NID1: variants seen among roughly 807,000 people sequenced by gnomAD.
NID1 encodes the protein nidogen 1.
In NID1, 76 loss-of-function variants were observed where a neutral mutation model predicts 130.6. The observed-to-expected ratio is 0.58, with a 90% confidence interval of 0.48 to 0.70. The LOEUF is 0.70. NID1 is among the 30% of genes least tolerant of loss of function. The pLI is 0.00. For synonymous variants in NID1, 665 were observed against 675.1 expected, an observed-to-expected ratio of 0.98 and a Z score of 0.23; for missense variants, 1,517 against 1,664.8, an observed-to-expected ratio of 0.91 and a Z score of 1.54.
chr1:235,982,559 C>G (rs1320481935), intron 15 of NID1, among the ~76,000 whole-genome samples: 2 of 152,100 alleles, frequency 1.3e-5, no homozygotes, highest in African/African-American at 4.8e-5. Flanking sequence ...AAATAACACC[C>G]CAGTCTTTAC....
rs970532174 is a variant in NID1, at chr1:236,002,566, C to G, written c.2528-8694G>C. Among the ~76,000 whole-genome samples, 36 of 152,122 alleles carry G rather than the reference C, an allele frequency of 2.4e-4. 1 individual carries two copies. The highest frequency in any genetic ancestry group is 1.9e-3 in the Admixed American group (29 of 15,276). The stretch of plus-strand genomic sequence containing the variant: ...CGATAAATCTGCGGTGTGTCCAATA[C>G]ACCCAGCCACAGCAGCCTAGGCGCA... On this transcript the variant is annotated intron_variant, in intron 12 of 19. Coordinates refer to ENST00000264187, the MANE Select transcript of NID1 (RefSeq NM_002508.3).
intron 2 of NID1, 86 bp from the exon 3 acceptor site, chr1:236,045,769 T>A (rs1238638032): frequency 1.4e-5 from 14 of 1,028,520 alleles, no homozygotes; most frequent in Non-Finnish European, 2.0e-5. Context: ...CTATAAAGCG[T>A]ACAGTGCTAT....
rs1316089367 is a variant in NID1, at chr1:236,032,642, C to T, written c.1296G>A (p.Gln432=). 6.8e-6 allele frequency: 11 copies of T among 1,613,978 alleles called. No individual in the cohort carries two copies. The highest frequency in any genetic ancestry group is 9.3e-6 in the Non-Finnish European group (11 of 1,180,012). The change falls in exon 6 of 20, where the codon CAG becomes CAA. Residue 432 remains glutamine, a synonymous_variant. Transcript: ENST00000264187. ...GRQCVAEGSP[Q]RVNGKVKGRI... ...TTCCTTTCACCTTGCCATTGACTCG[C>T]TGGGGGGAACCTGAGCAAGAAAACA...
Position 236,032,596 on chromosome 1 carries a change from G to T in NID1, c.1342C>A (p.Gln448Lys). ...VKGRIFVGSSQVPIVFENTDL... is the reference protein window; with the variant it reads ...VKGRIFVGSSKVPIVFENTDL... ...GTGTTCTCAAAGACAATGGGGACCT[G>T]GCTGCTCCCCACAAAGATCCTTCCT... The change falls in exon 6 of 20, where the codon CAG (glutamine) becomes AAG (lysine). Residue 448 changes from glutamine (Q) to lysine (K), a missense_variant. Around this residue, in one of 3 missense-constraint regions of NID1, gnomAD observed 1,329 missense variants for 1,429.2 expected, o/e 0.93. Transcript: ENST00000264187. 2 of 1,614,130 alleles carry T rather than the reference G, an allele frequency of 1.2e-6. No individual in the cohort carries two copies. The highest frequency in any genetic ancestry group is 2.2e-5 in the South Asian group (2 of 91,082).
In NID1 at chr1:236,017,285, ATTT is replaced by A. The variant is rs754135577; in HGVS notation, c.2129-15_2129-13del. On this transcript the variant is annotated splice_polypyrimidine_tract_variant and intron_variant, in intron 9 of 19. Coordinates refer to ENST00000264187, the MANE Select transcript of NID1 (RefSeq NM_002508.3). ...ACATTCATCAATATCTGCAGCAAAA[ATTT>A]TTTTTTACTGCAGGCTTTTTTTTAA... is the stretch of plus-strand genomic sequence containing the variant. The A allele has an allele frequency of 1.2e-6, 2 of 1,600,788 alleles. No homozygotes were observed. Among genetic ancestry groups the A allele is most frequent in the South Asian group, 2.2e-5 (2 of 89,640 alleles).
At chr1:236,003,132 C>G (rs13376073) in intron 12 of NID1, among the ~76,000 whole-genome samples, 54,748 of 111,286 alleles carry the variant, frequency 0.49, 16,373 homozygotes, top group East Asian at 0.83. Flanking sequence ...TAGTGAACGA[C>G]TGGTAGTTGT....
At chr1:236,009,187 G>C (rs1454746277) in intron 12 of NID1, among the ~76,000 whole-genome samples, 1 of 152,152 alleles carries the variant, frequency 6.6e-6, no homozygotes, top group African/African-American at 2.4e-5. Context: ...TGAAAGGGGG[G>C]CCCTAATGAA....
chr1:236,051,234 A>G (rs1659755219), intron 1 of NID1, among the ~76,000 whole-genome samples: 1 of 152,006 alleles, frequency 6.6e-6, no homozygotes, highest in Non-Finnish European at 1.5e-5. Context: ...TGGATTTTCC[A>G]GGCCACTTAT....
intron 9 of NID1, among the ~76,000 whole-genome samples, chr1:236,022,893 C>A (rs1658806033): frequency 6.6e-6 from 1 of 151,446 alleles, no homozygotes; most frequent in South Asian, 2.1e-4. Context: ...TGAAAGCCCT[C>A]TTTACTAAAA....
At chr1:235,991,193 T>C (rs1403206988) in intron 13 of NID1, 135 bp from the exon 14 acceptor site, 1 of 686,494 alleles carries the variant, frequency 1.5e-6, no homozygotes, top group Non-Finnish European at 2.3e-6. Context: ...ATCACCTTCA[T>C]GGCACCACAA....
At chr1:236,027,902 C>T (rs1325169342) in intron 7 of NID1, among the ~76,000 whole-genome samples, 1 of 151,968 alleles carries the variant, frequency 6.6e-6, no homozygotes, top group Non-Finnish European at 1.5e-5. Context: ...TAATGACCCA[C>T]ATATGAGTTC....
chr1:235,984,161 C>A lies in NID1; in HGVS notation c.3055+1218G>T, dbSNP rs150577759. On this transcript the variant is annotated intron_variant, in intron 15 of 19. Transcript: ENST00000264187. ...GCAACAGGAAATAGCAAACAATGAC[C>A]TATTCCCCTCTTCCACTGGGTTTTA... Among the ~76,000 whole-genome samples, 60 of 152,282 alleles carry A rather than the reference C, an allele frequency of 3.9e-4. No homozygotes were observed. In the East Asian group the frequency reaches 0.01, roughly 26 times the overall value.
At chr1:236,022,467 A>G (rs1425488077) in intron 9 of NID1, among the ~76,000 whole-genome samples, 1 of 150,752 alleles carries the variant, frequency 6.6e-6, no homozygotes, top group Non-Finnish European at 1.5e-5. Context: ...CCTACTCCCA[A>G]GTAGCTGGGA....
In NID1 at chr1:236,013,479, T is replaced by C. The variant is rs1474818232; in HGVS notation, c.2336A>G (p.Tyr779Cys). ...ACAGGTGTAGGAGGAGCCTCCTGTG[T>C]AGATACACTGGGCCCGCTGGGGTAT... ...CDIPQRAQCIYTGGSSYTCSC... is the reference protein window; with the variant it reads ...CDIPQRAQCICTGGSSYTCSC... Residue 779 changes from tyrosine to cysteine, a missense_variant, in exon 11 of 20, where the codon TAC becomes TGC. By Grantham distance (194) the Tyr-to-Cys change is radical (BLOSUM62 -2). Coordinates refer to ENST00000264187, the MANE Select transcript of NID1 (RefSeq NM_002508.3). 5.6e-6 allele frequency: 9 copies of C among 1,613,996 alleles called. No homozygotes were observed. Among genetic ancestry groups the C allele is most frequent in the Non-Finnish European group, 7.6e-6 (9 of 1,180,022 alleles).
At chr1:236,011,876 G>T (rs759060541) in intron 12 of NID1, 45 bp downstream of exon 12, 1 of 1,608,968 alleles carries the variant, frequency 6.2e-7, no homozygotes, top group South Asian at 1.1e-5. Context: ...CTGCATTCAT[G>T]GACAGGGCAA....
chr1:236,011,782 CA>C, intron 12 of NID1, 138 bp downstream of exon 12: 1 of 1,309,606 alleles, frequency 7.6e-7, no homozygotes. Flanking sequence ...ATGGACAGGG[CA>C]ACGGGCCATG....
At chr1:236,034,141 C>T (rs1023892204) in intron 5 of NID1, among the ~76,000 whole-genome samples, 2 of 152,140 alleles carry the variant, frequency 1.3e-5, no homozygotes, top group Non-Finnish European at 2.9e-5. Flanking sequence ...AGGCATGAGG[C>T]TGGGCCTGGT....
intron 1 of NID1, among the ~76,000 whole-genome samples, chr1:236,052,582 G>A (rs1659790378): frequency 6.6e-6 from 1 of 152,138 alleles, no homozygotes; most frequent in African/African-American, 2.4e-5. Context: ...ATTCAACGTT[G>A]TTTTGTTATA....
At chr1:236,044,152 A>G (rs74149510) in intron 3 of NID1, among the ~76,000 whole-genome samples, 2,928 of 152,234 alleles carry the variant, frequency 0.019, 96 homozygotes, top group African/African-American at 0.067. Flanking sequence ...CTGCATAAAT[A>G]GGATGTCTAA....
Sources: allele counts gnomAD v4.1 joint callset (sites outside exome capture counted in the v4.1 genomes callset), GRCh38; gene constraint gnomAD v4.1.1; regional missense constraint gnomAD v4.1.1; transcripts MANE v1.5; gene names NCBI Gene and HGNC (gene_info 2026-07-23, HGNC 2026-07-21).